The following SMCO4 variants were observed in gnomAD, a reference collection of about 807,000 sequenced individuals.
SMCO4 encodes the protein single-pass membrane protein with coiled-coil domains 4.
In SMCO4, 4 loss-of-function variants were observed where a neutral mutation model predicts 3.6. The ratio of observed to expected loss-of-function variants is 1.11; its 90% confidence interval spans 0.54 to 2.53. The LOEUF (loss-of-function observed/expected upper bound fraction) is 2.53, where lower values mean the gene tolerates loss of function less well. Ranked by LOEUF, SMCO4 falls within the 30% of genes most tolerant of loss-of-function variation. The pLI, the probability that SMCO4 is intolerant of heterozygous loss-of-function variation, is 0.02. For missense variants in SMCO4, 70 were observed against 80.8 expected (o/e 0.87, Z 0.51); for synonymous variants, 36 against 35.3 (o/e 1.02, Z -0.07).
chr11:93,518,268 T>C (rs1949026952), intron 1 of SMCO4, among the ~76,000 whole-genome samples: 1 of 152,258 alleles, frequency 6.6e-6, no homozygotes, highest in African/African-American at 2.4e-5. Flanking sequence ...AGTTGTGGCA[T>C]ACATCTGTAC....
chr11:93,482,692 G>A (rs1342413749), intron 2 of SMCO4, among the ~76,000 whole-genome samples: 2 of 152,156 alleles, frequency 1.3e-5, no homozygotes, highest in Non-Finnish European at 2.9e-5. Flanking sequence ...ATAAGCGAAC[G>A]CACTGCTTCC....
intron 2 of SMCO4, among the ~76,000 whole-genome samples, chr11:93,494,197 G>T (rs182907143): frequency 5.1e-4 from 77 of 152,300 alleles, no homozygotes; most frequent in African/African-American, 1.8e-3. Context: ...TAACACTGAA[G>T]AATCACCAGA....
At chr11:93,521,679 G>A (rs988225) in intron 1 of SMCO4, among the ~76,000 whole-genome samples, 5,782 of 152,214 alleles carry the variant, frequency 0.038, 279 homozygotes, top group East Asian at 0.14. Flanking sequence ...ACAGTATTCT[G>A]CAAATTGTCC....
At chr11:93,493,841 A>G (rs1292195854) in intron 2 of SMCO4, among the ~76,000 whole-genome samples, 2 of 152,108 alleles carry the variant, frequency 1.3e-5, no homozygotes, top group Non-Finnish European at 2.9e-5. Context: ...TTGCTAGATG[A>G]TACAAGACTG....
intron 1 of SMCO4, among the ~76,000 whole-genome samples, chr11:93,522,230 G>A (rs766933878): frequency 6.6e-6 from 1 of 152,148 alleles, no homozygotes; most frequent in Non-Finnish European, 1.5e-5. Context: ...ATCTGTGAAG[G>A]GTATAAAAAG....
At position 93,478,852 on chromosome 11, in the gene SMCO4, G is replaced by A. The variant is rs762658697; in HGVS notation, c.*158C>T. The A allele has an allele frequency of 6.4e-5, 91 of 1,423,204 alleles. No homozygotes were observed. The highest frequency in any genetic ancestry group is 2.1e-4 in the Middle Eastern group (1 of 4,664). The allele number at this position is 1,423,204 out of a possible 1,614,324, so 88.2% of individuals were successfully genotyped here. Reference sequence around the variant, plus strand: ...ATCCCCTATTCCCTCCCAAGAAAGCGGAGATACTTTAATCAAGTCAAAGAC... The same window carrying A: ...ATCCCCTATTCCCTCCCAAGAAAGCAGAGATACTTTAATCAAGTCAAAGAC... On this transcript the variant is annotated 3_prime_UTR_variant, in exon 3 of 3. Coordinates refer to ENST00000298966, the MANE Select transcript of SMCO4 (RefSeq NM_020179.3).
At chr11:93,496,089 C>T (rs754059290) in intron 2 of SMCO4, among the ~76,000 whole-genome samples, 2 of 152,134 alleles carry the variant, frequency 1.3e-5, no homozygotes, top group Non-Finnish European at 2.9e-5. Context: ...AGGTCACCAA[C>T]AGGTTTCAAG....
At chr11:93,495,859 C>G (rs1948766689) in intron 2 of SMCO4, among the ~76,000 whole-genome samples, 1 of 152,192 alleles carries the variant, frequency 6.6e-6, no homozygotes, top group Admixed American at 6.5e-5. Context: ...AATATTCATT[C>G]TAAGTACACC....
the SMCO4 span, among the ~76,000 whole-genome samples, chr11:93,551,949 C>T: frequency 6.6e-6 from 1 of 152,040 alleles, no homozygotes. Context: ...TTGTTAAGGA[C>T]ACAATTCCTA....
At position 93,514,413 on chromosome 11, in the gene SMCO4, T is replaced by TATATATATAC. The variant is rs781423008; in HGVS notation, c.-153-15066_-153-15065insGTATATATAT. On this transcript the variant is annotated intron_variant, in intron 1 of 2. Coordinates refer to ENST00000298966, the MANE Select transcript of SMCO4 (RefSeq NM_020179.3). The stretch of plus-strand genomic sequence containing the variant: ...ATATATATATATATATATATATATA[T>TATATATATAC]ATATATATAAAATTTGGTCTCTTCC... Among the ~76,000 whole-genome samples, 228 of 33,938 alleles carry TATATATATAC rather than the reference T, an allele frequency of 6.7e-3. 9 individuals are homozygous for TATATATATAC. Among genetic ancestry groups the TATATATATAC allele is most frequent in the African/African-American group, 0.02 (214 of 10,700 alleles). 22.3% of individuals were successfully genotyped at this position (33,938 alleles called of 152,430 possible).
chr11:93,531,985 A>G (rs896794918), intron 1 of SMCO4, among the ~76,000 whole-genome samples: 1 of 152,216 alleles, frequency 6.6e-6, no homozygotes, highest in Admixed American at 6.5e-5. Context: ...GACCAAATCA[A>G]TGTTCATCTT....
intron 2 of SMCO4, among the ~76,000 whole-genome samples, chr11:93,491,207 TC>T (rs1393541814): frequency 1.3e-5 from 2 of 152,210 alleles, no homozygotes; most frequent in East Asian, 3.8e-4. Flanking sequence ...GGGGAAGAAT[TC>T]CTGAGAAAGC....
At chr11:93,541,486 T>A (rs1356931271) in intron 1 of SMCO4, among the ~76,000 whole-genome samples, 1 of 152,130 alleles carries the variant, frequency 6.6e-6, no homozygotes. Flanking sequence ...AGGAAACCTA[T>A]AATATTATGC....
chr11:93,534,373 TATAG>T (rs1249145743), intron 1 of SMCO4, among the ~76,000 whole-genome samples: 19 of 134,186 alleles, frequency 1.4e-4, no homozygotes, highest in African/African-American at 3.7e-4. Flanking sequence ...TATATATATA[TATAG>T]AGAGAGAGAG....
chr11:93,534,215 T>TACAC (rs71064754), intron 1 of SMCO4, among the ~76,000 whole-genome samples: 3 of 128,438 alleles, frequency 2.3e-5, no homozygotes, highest in Non-Finnish European at 4.8e-5. Flanking sequence ...AATATATATA[T>TACAC]ACACACACAC....
rs750629862 is a variant in SMCO4 at position 93,479,032 on chromosome 11, G to A, written c.158C>T (p.Thr53Met). The A allele has an allele frequency of 1.1e-5, 17 of 1,609,436 alleles. No individual in the cohort carries two copies. Among genetic ancestry groups the A allele is most frequent in the Middle Eastern group, 1.6e-4 (1 of 6,070 alleles). The change falls in exon 3 of 3, where the codon ACG becomes ATG. Residue 53 changes from threonine to methionine, a missense_variant. Coordinates refer to ENST00000298966, the MANE Select transcript of SMCO4 (RefSeq NM_020179.3). ...LLIVVFVYVA[T>M]RPTITE is the part of the protein sequence containing the mutation. ...GGCTCACTCGGTGATGGTGGGGCGC[G>A]TGGCCACGTACACAAACACCACGAT...
chr11:93,489,497 G>C (rs1948689396), intron 2 of SMCO4, among the ~76,000 whole-genome samples: 1 of 152,198 alleles, frequency 6.6e-6, no homozygotes, highest in South Asian at 2.1e-4. Flanking sequence ...CCTGCCACCA[G>C]CTTGGGGCCC....
Position 93,514,419 on chromosome 11 carries a change from T to TATATATATATAA in SMCO4, c.-153-15072_-153-15071insTTATATATATAT, listed in dbSNP as rs1555077574. Among the ~76,000 whole-genome samples, 24 of 42,566 alleles carry TATATATATATAA rather than the reference T, an allele frequency of 5.6e-4. 1 individual carries two copies. The highest frequency in any genetic ancestry group is 1.8e-3 in the African/African-American group (24 of 13,620). The allele number at this position is 42,566 out of a possible 152,430, so 27.9% of individuals were successfully genotyped here. A position where few individuals can be genotyped will look rare whatever the true frequency, so the allele number is the denominator to read the frequency against. ...ATATATATATATATATATATATATA[T>TATATATATATAA]ATAAAATTTGGTCTCTTCCAAAGAT... On this transcript the variant is annotated intron_variant, in intron 1 of 2. Transcript: ENST00000298966.
intron 1 of SMCO4, among the ~76,000 whole-genome samples, chr11:93,534,373 T>TAGAG (rs559386704): frequency 0.063 from 8,498 of 134,050 alleles, 283 homozygotes; most frequent in East Asian, 0.13. Context: ...TATATATATA[T>TAGAG]ATAGAGAGAG....
Sources: allele counts gnomAD v4.1 joint callset (sites outside exome capture counted in the v4.1 genomes callset), GRCh38; gene constraint gnomAD v4.1.1; transcripts MANE v1.5; gene names NCBI Gene and HGNC (gene_info 2026-07-23, HGNC 2026-07-21).